The following ST7 variants were observed in gnomAD, a reference collection of about 807,000 sequenced individuals.
ST7 encodes suppression of tumorigenicity 7.
A neutral mutation model predicts 78.7 loss-of-function variants in ST7; 28 were observed. The ratio of observed to expected loss-of-function variants is 0.36; its 90% CI spans 0.26 to 0.49. The LOEUF (loss-of-function observed/expected upper bound fraction) is 0.49. ST7 is among the 20% of genes least tolerant of loss of function. The pLI, the probability that ST7 is intolerant of heterozygous loss-of-function variation, is 0.99. For missense variants in ST7, 418 were observed against 696.0 expected (o/e 0.60, Z 4.49); for synonymous variants, 247 against 249.6 (o/e 0.99, Z 0.10).
At chr7:117,050,887 G>A (rs1253109737) in intron 1 of ST7, among the ~76,000 whole-genome samples, 5 of 147,022 alleles carry the variant, frequency 3.4e-5, no homozygotes, top group African/African-American at 1.3e-4. Flanking sequence ...CCGAGATCGA[G>A]CATCTGCACT....
intron 12 of ST7, among the ~76,000 whole-genome samples, chr7:117,206,179 A>G (rs1177454874): frequency 3.9e-5 from 6 of 152,210 alleles, no homozygotes; most frequent in African/African-American, 1.4e-4. Flanking sequence ...TTTTATAGTC[A>G]TAGCCGATTT....
chr7:116,989,921 A>G lies in ST7; in HGVS notation c.151+36230A>G, dbSNP rs747864953. On this transcript the variant is annotated intron_variant, in intron 1 of 15. Transcript: ENST00000323984. ...TGTATGTGTGTGTGTTATGTGGCAT[A>G]GATTGGTGATTAACCATGTTTTTGT... Among the ~76,000 whole-genome samples the G allele has an allele frequency of 2.5e-4, 38 of 152,126 alleles. 1 individual carries two copies. Among genetic ancestry groups the G allele is most frequent in the Non-Finnish European group, 1.0e-4 (7 of 68,026 alleles).
chr7:117,021,532 G>A (rs548165380), intron 1 of ST7, among the ~76,000 whole-genome samples: 1 of 152,292 alleles, frequency 6.6e-6, no homozygotes, highest in East Asian at 1.9e-4. Flanking sequence ...GGGGTTTAGG[G>A]GAGGAATTTA....
intron 1 of ST7, among the ~76,000 whole-genome samples, chr7:116,978,252 G>T (rs1793793328): frequency 6.6e-6 from 1 of 152,236 alleles, no homozygotes; most frequent in African/African-American, 2.4e-5. Context: ...TAAGAAAGAA[G>T]TTGCTTCCTG....
At chr7:117,069,076 A>G (rs2116494184) in intron 1 of ST7, among the ~76,000 whole-genome samples, 1 of 152,240 alleles carries the variant, frequency 6.6e-6, no homozygotes, top group East Asian at 1.9e-4. Context: ...TTGGATTGCC[A>G]GCTGCTTCAA....
Position 117,208,902 on chromosome 7 carries a change from G to GT in ST7, c.1255-885_1255-884insT, listed in dbSNP as rs1792028590. Among the ~76,000 whole-genome samples the GT allele has an allele frequency of 7.9e-5, 11 of 139,890 alleles. No homozygotes were observed. In the East Asian group the frequency reaches 8.4e-4, roughly 11 times the overall value. The allele number at this position is 139,890 out of a possible 152,430, so 91.8% of individuals were successfully genotyped here. On this transcript the variant is annotated intron_variant, in intron 12 of 15. Coordinates refer to ENST00000323984, the MANE Select transcript of ST7 (RefSeq NM_001369598.1). The stretch of plus-strand genomic sequence containing the variant: ...TGGTGGTGGGGTGGGTGTATGTGTG[G>GT]GTGTGTGTGTGTGTGTGTGTGTGTG...
chr7:116,993,100 T>G (rs946884431), intron 1 of ST7, among the ~76,000 whole-genome samples: 4 of 152,214 alleles, frequency 2.6e-5, no homozygotes, highest in African/African-American at 7.2e-5. Context: ...TTTTCCTGTC[T>G]TCTTCTGAGC....
chr7:117,034,799 T>C (rs1349848995), intron 1 of ST7, among the ~76,000 whole-genome samples: 1 of 152,258 alleles, frequency 6.6e-6, no homozygotes, highest in Non-Finnish European at 1.5e-5. Flanking sequence ...TGGAATTTTC[T>C]TCGCTGAGGA....
At chr7:116,959,018 T>C in intron 1 of ST7, 1 of 359,672 alleles carries the variant, frequency 2.8e-6, no homozygotes, top group Non-Finnish European at 5.4e-6. Context: ...GAAAGATTTC[T>C]CTGTATCATG....
At chr7:117,186,762 C>T (rs183512559) in intron 10 of ST7, among the ~76,000 whole-genome samples, 45 of 152,262 alleles carry the variant, frequency 3.0e-4, no homozygotes, top group African/African-American at 8.9e-4. Context: ...ACCTTTCCAC[C>T]GCATAATTTA....
chr7:117,065,082 G>A (rs1287599074), intron 1 of ST7, among the ~76,000 whole-genome samples: 4 of 152,006 alleles, frequency 2.6e-5, no homozygotes, highest in Non-Finnish European at 2.9e-5. Flanking sequence ...AGTAACCTTT[G>A]AGGAAAAGGT....
intron 1 of ST7, among the ~76,000 whole-genome samples, chr7:117,000,097 C>G (rs1013811383): frequency 6.6e-6 from 1 of 152,170 alleles, no homozygotes; most frequent in Non-Finnish European, 1.5e-5. Context: ...AGGCGTGAGC[C>G]ACTGCGCCCA....
chr7:117,016,928 A>G (rs1795644576), intron 1 of ST7, among the ~76,000 whole-genome samples: 1 of 152,222 alleles, frequency 6.6e-6, no homozygotes, highest in Admixed American at 6.5e-5. Context: ...TCACTTTTGT[A>G]CTAATGGCAT....
intron 10 of ST7, among the ~76,000 whole-genome samples, chr7:117,179,508 G>A (rs748572678): frequency 1.3e-5 from 2 of 152,232 alleles, no homozygotes; most frequent in Non-Finnish European, 2.9e-5. Flanking sequence ...AAGGAGGAGT[G>A]ACGGGAGTCT....
At chr7:117,027,137 A>G (rs1796223706) in intron 1 of ST7, among the ~76,000 whole-genome samples, 1 of 152,198 alleles carries the variant, frequency 6.6e-6, no homozygotes, top group South Asian at 2.1e-4. Flanking sequence ...TAAACATACA[A>G]ATACTTACCA....
At chr7:117,225,134 T>C (rs778719498) in intron 15 of ST7, among the ~76,000 whole-genome samples, 3 of 152,170 alleles carry the variant, frequency 2.0e-5, no homozygotes, top group Non-Finnish European at 4.4e-5. Flanking sequence ...GTGACTAGAA[T>C]ACACCTGGGT....
chr7:116,989,891 C>T (rs752568527), intron 1 of ST7, among the ~76,000 whole-genome samples: 13 of 151,952 alleles, frequency 8.6e-5, no homozygotes, highest in South Asian at 6.2e-4. Flanking sequence ...TGATAGAAAA[C>T]CATATGTATG....
At position 117,134,037 on chromosome 7, in the gene ST7, A is replaced by T. The variant is rs989978067; in HGVS notation, c.642-87A>T. The T allele has an allele frequency of 2.3e-5, 35 of 1,551,022 alleles. No individual in the cohort carries two copies. The Middle Eastern group carries it at 8.7e-4, about 38-fold the overall frequency. ...GAAGTCCACCTTCCCCTCTTTGATT[A>T]CCCTGAACTCCGAAATGACATAGTG... is the stretch of plus-strand genomic sequence containing the variant. On this transcript the variant is annotated intron_variant, in intron 6 of 15. Coordinates refer to ENST00000323984, the MANE Select transcript of ST7 (RefSeq NM_001369598.1).
At chr7:117,103,358 C>T (rs566497797) in intron 2 of ST7, among the ~76,000 whole-genome samples, 1 of 152,228 alleles carries the variant, frequency 6.6e-6, no homozygotes, top group East Asian at 1.9e-4. Flanking sequence ...AAATATTTTA[C>T]AAAGTTATAG....
Sources: gnomAD v4.1 joint callset for allele counts (sites outside exome capture counted in the v4.1 genomes callset) on GRCh38, gnomAD v4.1.1 for gene constraint, MANE v1.5 for transcripts, NCBI Gene and HGNC (gene_info 2026-07-23, HGNC 2026-07-21) for gene names.